The following CTNNA2 variants were observed in gnomAD, a reference collection of about 807,000 sequenced individuals.
The protein encoded by CTNNA2 is catenin alpha-2.
In CTNNA2, 42 loss-of-function variants were observed where a neutral mutation model predicts 101.0. The observed-to-expected ratio is 0.42, with a 90% confidence interval of 0.32 to 0.54. The LOEUF is 0.54. Ranked by LOEUF, CTNNA2 falls within the 20% of genes least tolerant of loss-of-function variation. The probability of loss-of-function intolerance (pLI) is 0.14; values close to 1 mark genes in which losing one functional copy is unlikely to be tolerated. For missense variants in CTNNA2, 871 were observed against 1,223.1 expected (o/e 0.71, Z 4.29); for synonymous variants, 450 against 456.4 (o/e 0.99, Z 0.18).
At chr2:79,210,458 C>T (rs1216601816) in intron 2 of CTNNA2, among the ~76,000 whole-genome samples, 2 of 152,090 alleles carry the variant, frequency 1.3e-5, no homozygotes, top group Non-Finnish European at 2.9e-5. Context: ...CCTCCCACAG[C>T]ACACACACAA....
intron 7 of CTNNA2, among the ~76,000 whole-genome samples, chr2:80,187,923 G>A (rs1706238392): frequency 6.6e-6 from 1 of 151,640 alleles, no homozygotes; most frequent in Admixed American, 6.6e-5. Context: ...CATTGCTAAG[G>A]TTGTAGATGT....
intron 7 of CTNNA2, among the ~76,000 whole-genome samples, chr2:80,255,941 C>T (rs573619500): frequency 1.3e-5 from 2 of 152,214 alleles, no homozygotes; most frequent in South Asian, 4.1e-4. Context: ...TGGAATATTC[C>T]CAAGAGCTTT....
intron 7 of CTNNA2, among the ~76,000 whole-genome samples, chr2:80,220,228 G>C (rs9973963): frequency 0.2 from 30,471 of 152,080 alleles, 4,300 homozygotes; most frequent in African/African-American, 0.39. Flanking sequence ...GTTCATGCTT[G>C]ATACTTGGAA....
intron 3 of CTNNA2, among the ~76,000 whole-genome samples, chr2:79,345,734 C>G (rs1677246907): frequency 6.6e-6 from 1 of 152,022 alleles, no homozygotes; most frequent in South Asian, 2.1e-4. Context: ...ACTTTGTTGC[C>G]CAGGCTGGAG....
chr2:80,133,310 C>T (rs1054809850), intron 7 of CTNNA2, among the ~76,000 whole-genome samples: 2 of 152,150 alleles, frequency 1.3e-5, no homozygotes, highest in African/African-American at 4.8e-5. Flanking sequence ...AACTTGGTTT[C>T]AGATTTCTAG....
chr2:79,858,431 T>C (rs1160981810), intron 4 of CTNNA2, among the ~76,000 whole-genome samples: 2 of 152,154 alleles, frequency 1.3e-5, no homozygotes, highest in Non-Finnish European at 2.9e-5. Context: ...TTCTCCTTAC[T>C]TCCTGGAATG....
intron 8 of CTNNA2, among the ~76,000 whole-genome samples, chr2:80,396,159 G>C (rs1677992296): frequency 6.6e-6 from 1 of 152,130 alleles, no homozygotes; most frequent in Non-Finnish European, 1.5e-5. Flanking sequence ...GAATTTTCAG[G>C]TAAGTAGAAC....
At chr2:80,580,718 CTAA>C (rs768472668) in intron 13 of CTNNA2, among the ~76,000 whole-genome samples, 1 of 152,040 alleles carries the variant, frequency 6.6e-6, no homozygotes, top group South Asian at 2.1e-4. Context: ...TTTAAAAATC[CTAA>C]TAATAATGAT....
chr2:79,540,423 A>G (rs1360121853), intron 1 of CTNNA2, among the ~76,000 whole-genome samples: 1 of 152,210 alleles, frequency 6.6e-6, no homozygotes, highest in Non-Finnish European at 1.5e-5. Flanking sequence ...TAAGTGCAAC[A>G]TATGCCCTTG....
intron 2 of CTNNA2, among the ~76,000 whole-genome samples, chr2:79,661,951 A>C (rs1682067060): frequency 6.6e-6 from 1 of 151,954 alleles, no homozygotes; most frequent in South Asian, 2.1e-4. Flanking sequence ...AAAATACTGA[A>C]ATGGTAAGTT....
At chr2:80,316,188 G>A (rs766462072) in intron 7 of CTNNA2, among the ~76,000 whole-genome samples, 3 of 152,072 alleles carry the variant, frequency 2.0e-5, no homozygotes, top group Non-Finnish European at 4.4e-5. Context: ...GCTTCACAGC[G>A]TGAATAGCTA....
intron 1 of CTNNA2, among the ~76,000 whole-genome samples, chr2:79,635,664 C>A (rs567105599): frequency 1.3e-5 from 2 of 150,762 alleles, no homozygotes; most frequent in Non-Finnish European, 1.5e-5. Flanking sequence ...CCACCACTCC[C>A]GGGTAATTTT....
chr2:79,576,440 G>A (rs886707471), intron 1 of CTNNA2, among the ~76,000 whole-genome samples: 2 of 151,918 alleles, frequency 1.3e-5, no homozygotes, highest in African/African-American at 4.8e-5. Flanking sequence ...CCTGTAGCTC[G>A]GTTTTTTAAA....
intron 7 of CTNNA2, among the ~76,000 whole-genome samples, chr2:80,172,465 A>G (rs1705128757): frequency 6.6e-6 from 1 of 152,124 alleles, no homozygotes; most frequent in Non-Finnish European, 1.5e-5. Flanking sequence ...CCTCTTTTAT[A>G]TACTCACTCC....
intron 2 of CTNNA2, among the ~76,000 whole-genome samples, chr2:79,256,380 G>A (rs919482941): frequency 5.9e-5 from 9 of 152,114 alleles, no homozygotes. Context: ...CCAGCTCAGG[G>A]GCTGTCCATC....
chr2:80,462,802 G>C (rs908101588), intron 9 of CTNNA2, among the ~76,000 whole-genome samples: 1 of 151,816 alleles, frequency 6.6e-6, no homozygotes, highest in Admixed American at 6.6e-5. Context: ...TATCCTCAAC[G>C]GTGTCTTCTC....
chr2:80,608,107 C>T (rs546903042), intron 16 of CTNNA2, 77 bp from the exon 17 acceptor site: 1 of 1,442,608 alleles, frequency 6.9e-7, no homozygotes, highest in Admixed American at 1.9e-5. Context: ...AACTTTTCTT[C>T]CTGCAGCTTT....
At chr2:79,883,696 T>G (rs2104141049) in intron 6 of CTNNA2, among the ~76,000 whole-genome samples, 1 of 152,306 alleles carries the variant, frequency 6.6e-6, no homozygotes, top group Non-Finnish European at 1.5e-5. Flanking sequence ...CCTACAGAAT[T>G]TTCTTATTTT....
At chr2:79,459,317 C>A (rs1037870087) in intron 4 of CTNNA2, among the ~76,000 whole-genome samples, 1 of 151,554 alleles carries the variant, frequency 6.6e-6, no homozygotes, top group Admixed American at 6.6e-5. Flanking sequence ...AACATTATTA[C>A]GAACATACAG....
Sources: gnomAD v4.1 joint callset for allele counts (sites outside exome capture counted in the v4.1 genomes callset) on GRCh38, gnomAD v4.1.1 for gene constraint, MANE v1.5 for transcripts, NCBI Gene and HGNC (gene_info 2026-07-23, HGNC 2026-07-21) for gene names.